Variants in BLVRA observed in about 807,000 individuals in gnomAD.
BLVRA encodes the protein BVR A.
BLVRA carries 22 observed loss-of-function variants against 32.8 expected under a neutral mutation model. That is an observed-to-expected ratio of 0.67 (90% confidence interval 0.48 to 0.96). The LOEUF (loss-of-function observed/expected upper bound fraction) is 0.96, where lower values mean the gene tolerates loss of function less well. Ranked by LOEUF, BLVRA falls within the 40% of genes least tolerant of loss-of-function variation. BLVRA has a pLI of 0.00. For missense variants in BLVRA, 323 were observed against 358.1 expected (o/e 0.90, Z 0.79); for synonymous variants, 119 against 141.3 (o/e 0.84, Z 1.12).
intron 2 of BLVRA, among the ~76,000 whole-genome samples, chr7:43,776,882 T>C (rs940291489): frequency 3.9e-5 from 6 of 152,230 alleles, no homozygotes; most frequent in African/African-American, 1.2e-4. Context: ...AATTGATCCC[T>C]TTATCATTAT....
intron 5 of BLVRA, among the ~76,000 whole-genome samples, chr7:43,794,201 G>A (rs1329175741): frequency 6.6e-6 from 1 of 152,038 alleles, no homozygotes; most frequent in East Asian, 1.9e-4. Flanking sequence ...CTGCACTCTA[G>A]TCTGGGCAAC....
chr7:43,803,995 G>A, intron 7 of BLVRA, 148 bp downstream of exon 7: 3 of 899,366 alleles, frequency 3.3e-6, no homozygotes, highest in Non-Finnish European at 5.2e-6. Flanking sequence ...TGCTGAGATT[G>A]CACTTGTGTT....
In BLVRA at chr7:43,787,930, G is replaced by T; in HGVS notation, c.39G>T (p.Val13=). ...AEPERKFGVV[V]VGVGRAGSVR... ...CCGAGAGGAAGTTTGGCGTGGTGGT[G>T]GTTGGTGTTGGCCGAGCCGGCTCCG... The change falls in exon 3 of 8, where the codon GTG becomes GTT. Residue 13 remains valine, a synonymous_variant. Transcript: ENST00000265523. The surrounding 1 kb of genome is among the most constrained non-coding windows in gnomAD (Gnocchi z 4.5). 1 of 1,614,210 alleles carries T rather than the reference G, an allele frequency of 6.2e-7. No homozygotes were observed. The highest frequency in any genetic ancestry group is 8.5e-7 in the Non-Finnish European group (1 of 1,180,024).
At chr7:43,793,337 A>T (rs17239622) in intron 5 of BLVRA, among the ~76,000 whole-genome samples, 211 of 151,998 alleles carry the variant, frequency 1.4e-3, no homozygotes, top group Admixed American at 2.9e-3. Context: ...TAGATGCTGT[A>T]TAGAAAAATA....
chr7:43,762,517 T>G (rs2095743427), intron 1 of BLVRA, among the ~76,000 whole-genome samples: 1 of 151,856 alleles, frequency 6.6e-6, no homozygotes, highest in South Asian at 2.1e-4. Flanking sequence ...TACTGTGAGA[T>G]TTTGCATCTC....
At position 43,780,880 on chromosome 7, in the gene BLVRA, C is replaced by T. The variant is rs985171123; in HGVS notation, c.13-7024C>T. On this transcript the variant is annotated intron_variant, in intron 2 of 7. Coordinates refer to ENST00000265523, the MANE Select transcript of BLVRA (RefSeq NM_000712.4). ...ATATACAGTAGGCTGGGCGCCGTGG[C>T]GCATGCCTGTAATCCCAAAACTTTG... is the stretch of plus-strand genomic sequence containing the variant. Among the ~76,000 whole-genome samples, 6 of 152,358 alleles carry T rather than the reference C, an allele frequency of 3.9e-5. No homozygotes were observed. The East Asian group carries it at 5.8e-4, about 15-fold the overall frequency.
At chr7:43,759,052 A>C (rs2095739485) in intron 1 of BLVRA, among the ~76,000 whole-genome samples, 1 of 152,228 alleles carries the variant, frequency 6.6e-6, no homozygotes, top group South Asian at 2.1e-4. Flanking sequence ...TAGACCCAAG[A>C]GGGCAGGCTC....
At chr7:43,793,618 CTTTT>C (rs35816005) in intron 5 of BLVRA, among the ~76,000 whole-genome samples, 2 of 135,514 alleles carry the variant, frequency 1.5e-5, no homozygotes, top group Admixed American at 7.6e-5. Context: ...TCTTTTACAA[CTTTT>C]TTTTTTTTTT....
chr7:43,782,085 G>A (rs2095770412), intron 2 of BLVRA, among the ~76,000 whole-genome samples: 1 of 152,168 alleles, frequency 6.6e-6, no homozygotes, highest in African/African-American at 2.4e-5. Context: ...GACTGTAGCT[G>A]TCGGGGTGCC....
chr7:43,799,645 T>C (rs904415779), intron 5 of BLVRA, among the ~76,000 whole-genome samples: 4 of 151,796 alleles, frequency 2.6e-5, no homozygotes, highest in African/African-American at 7.3e-5. Flanking sequence ...GCTAATTTTT[T>C]GTATTTTTTG....
intron 5 of BLVRA, among the ~76,000 whole-genome samples, chr7:43,794,919 T>C (rs1164187079): frequency 6.6e-6 from 1 of 152,098 alleles, no homozygotes; most frequent in East Asian, 1.9e-4. Flanking sequence ...CAGTTTAAAA[T>C]AGATTATGCA....
At chr7:43,805,329 C>G (rs948492949) in intron 7 of BLVRA, among the ~76,000 whole-genome samples, 30 of 150,542 alleles carry the variant, frequency 2.0e-4, no homozygotes, top group African/African-American at 7.3e-4. Flanking sequence ...GTCACCCAGG[C>G]TGGAGTGCGG....
At position 43,807,307 on chromosome 7, in the gene BLVRA, C is replaced by A. The variant is rs2095805063; in HGVS notation, c.*72C>A. 1.3e-6 allele frequency: 2 copies of A among 1,582,634 alleles called. No individual in the cohort carries two copies. Among genetic ancestry groups the A allele is most frequent in the Non-Finnish European group, 1.7e-6 (2 of 1,165,248 alleles). Reference sequence around the variant, plus strand: ...TCTTCTCAAGAGTTGACCATTATCTCTATTCTTAAAATTAAACATGTTGGG... The same window carrying A: ...TCTTCTCAAGAGTTGACCATTATCTATATTCTTAAAATTAAACATGTTGGG... On this transcript the variant is annotated 3_prime_UTR_variant, in exon 8 of 8. Coordinates refer to ENST00000265523, the MANE Select transcript of BLVRA (RefSeq NM_000712.4).
chr7:43,761,580 C>T (rs2095742329), intron 1 of BLVRA, among the ~76,000 whole-genome samples: 1 of 152,080 alleles, frequency 6.6e-6, no homozygotes, highest in African/African-American at 2.4e-5. Context: ...TTCATTCATT[C>T]ATTGATCCCC....
Position 43,792,588 on chromosome 7 carries a change from C to T in BLVRA, c.255-127C>T, listed in dbSNP as rs1323919661. The T allele has an allele frequency of 7.9e-6, 7 of 887,938 alleles. No individual in the cohort carries two copies. The East Asian group carries it at 1.6e-4, about 20-fold the overall frequency. 55.0% of individuals were successfully genotyped at this position (887,938 alleles called of 1,614,324 possible). ...TATCCCGTGGCACTGACTCCTACCC[C>T]CAGTCATGACACATTCACACACAGA... On this transcript the variant is annotated intron_variant, in intron 4 of 7. Coordinates refer to ENST00000265523, the MANE Select transcript of BLVRA (RefSeq NM_000712.4).
intron 2 of BLVRA, among the ~76,000 whole-genome samples, chr7:43,772,694 G>C (rs1016198430): frequency 2.0e-5 from 3 of 152,222 alleles, no homozygotes; most frequent in African/African-American, 7.2e-5. Flanking sequence ...GGAAAGCAAG[G>C]CACCTTCTTC....
intron 2 of BLVRA, among the ~76,000 whole-genome samples, chr7:43,776,392 AT>A (rs1488959340): frequency 3.3e-5 from 5 of 152,054 alleles, no homozygotes; most frequent in Admixed American, 2.6e-4. Flanking sequence ...CCTTCATTTC[AT>A]TATGTACCCA....
At chr7:43,781,741 C>G (rs936061086) in intron 2 of BLVRA, among the ~76,000 whole-genome samples, 18 of 152,154 alleles carry the variant, frequency 1.2e-4, no homozygotes, top group African/African-American at 4.3e-4. Context: ...ACACAGCAGC[C>G]CAGAATGTGC....
Position 43,791,349 on chromosome 7 carries a change from A to G in BLVRA, c.235A>G (p.Ser79Gly), listed in dbSNP as rs1214143682. 1 of 1,614,174 alleles carries G rather than the reference A, an allele frequency of 6.2e-7. No individual in the cohort carries two copies. Among genetic ancestry groups the G allele is most frequent in the Admixed American group, 1.7e-5 (1 of 60,020 alleles). The change falls in exon 4 of 8, where the codon AGC (serine) becomes GGC (glycine). Residue 79 changes from serine to glycine, a missense_variant. Coordinates refer to ENST00000265523, the MANE Select transcript of BLVRA (RefSeq NM_000712.4). Reference sequence around the variant, plus strand: ...CGCCTATATCTGCAGTGAGAGCTCCAGCCATGAGGACTACATCAGGTGGGT... The same window carrying G: ...CGCCTATATCTGCAGTGAGAGCTCCGGCCATGAGGACTACATCAGGTGGGT... Reference protein sequence around the residue: ...EVAYICSESSSHEDYIRQFLN... With the variant: ...EVAYICSESSGHEDYIRQFLN...
Sources: gnomAD v4.1 joint callset for allele counts (sites outside exome capture counted in the v4.1 genomes callset) on GRCh38, gnomAD v4.1.1 for gene constraint, Gnocchi (gnomAD v3.1) non-coding constraint, MANE v1.5 for transcripts, NCBI Gene and HGNC (gene_info 2026-07-23, HGNC 2026-07-21) for gene names.